Variants in FNIP1 observed in about 807,000 individuals in gnomAD.
FNIP1 encodes the protein folliculin interacting protein 1, also known as folliculin-interacting protein 1.
FNIP1 carries 40 observed loss-of-function variants against 124.5 expected under a neutral mutation model. The observed-to-expected ratio is 0.32, with a 90% CI of 0.25 to 0.42. The LOEUF is 0.42. FNIP1 is among the 10% of genes least tolerant of loss of function. The pLI is 1.00. For missense variants in FNIP1, 1,176 were observed against 1,403.7 expected (o/e 0.84, Z 2.59); for synonymous variants, 472 against 470.6 (o/e 1.00, Z -0.04).
chr5:131,710,607 C>T lies in FNIP1; in HGVS notation c.677G>A (p.Arg226His), dbSNP rs747434286. Residue 226 changes from arginine (R) to histidine (H), a missense_variant, in exon 7 of 18, where the codon CGC (arginine) becomes CAC (histidine). By Grantham distance (29) the Arg-to-His change is conservative. Coordinates refer to ENST00000510461, the MANE Select transcript of FNIP1 (RefSeq NM_133372.3). ...RRAFSEQGPL[R>H]LIRSASFFAV... ...AAAGAAAGAGGCGCTCCTGATCAGGCGGAGCGGACCCTGCTCAGAGAATGC... is the reference window on the plus strand; with the variant it reads ...AAAGAAAGAGGCGCTCCTGATCAGGTGGAGCGGACCCTGCTCAGAGAATGC... The T allele has an allele frequency of 3.5e-5, 56 of 1,613,812 alleles. No individual in the cohort carries two copies. The highest frequency in any genetic ancestry group is 1.8e-4 in the South Asian group (16 of 91,052).
chr5:131,768,070 T>C (rs1432066207), intron 1 of FNIP1, among the ~76,000 whole-genome samples: 1 of 152,144 alleles, frequency 6.6e-6, no homozygotes, highest in Non-Finnish European at 1.5e-5. Context: ...TTAATCAAAT[T>C]AGATGTGAAA....
At chr5:131,760,856 A>G (rs543428400) in intron 1 of FNIP1, among the ~76,000 whole-genome samples, 35 of 139,306 alleles carry the variant, frequency 2.5e-4, no homozygotes, top group African/African-American at 8.1e-4. Flanking sequence ...GTTTGATGAC[A>G]GGAGGGAAAG....
Position 131,784,614 on chromosome 5 carries a change from A to G in FNIP1, c.92+12216T>C, listed in dbSNP as rs182990843. Reference sequence around the variant, plus strand: ...AATGGGAGGACTGTTTGAGCCCAGGAGTTCGAGACCAGCCTGGGCAACAAA... The same window carrying G: ...AATGGGAGGACTGTTTGAGCCCAGGGGTTCGAGACCAGCCTGGGCAACAAA... On this transcript the variant is annotated intron_variant, in intron 1 of 17. Coordinates refer to ENST00000510461, the MANE Select transcript of FNIP1 (RefSeq NM_133372.3). Among the ~76,000 whole-genome samples, 50 of 152,216 alleles carry G rather than the reference A, an allele frequency of 3.3e-4. No individual in the cohort carries two copies. In the East Asian group the frequency reaches 9.7e-3, roughly 29 times the overall value.
intron 2 of FNIP1, among the ~76,000 whole-genome samples, chr5:131,733,938 G>T (rs984379318): frequency 1.3e-5 from 2 of 152,106 alleles, no homozygotes; most frequent in Non-Finnish European, 2.9e-5. Context: ...GGTAGAATTC[G>T]GCTGTGAATC....
At chr5:131,692,133 T>C (rs1768501157) in intron 11 of FNIP1, among the ~76,000 whole-genome samples, 1 of 152,104 alleles carries the variant, frequency 6.6e-6, no homozygotes, top group Non-Finnish European at 1.5e-5. Context: ...ATTTTCTATA[T>C]AAAAAGTTTC....
At chr5:131,776,771 G>C (rs1038222847) in intron 1 of FNIP1, among the ~76,000 whole-genome samples, 1 of 152,210 alleles carries the variant, frequency 6.6e-6, no homozygotes, top group Non-Finnish European at 1.5e-5. Context: ...AGATGAGGGA[G>C]AGTAACTAGA....
At chr5:131,774,899 GCTCT>G (rs1193708406) in intron 1 of FNIP1, among the ~76,000 whole-genome samples, 6 of 152,176 alleles carry the variant, frequency 3.9e-5, no homozygotes, top group Admixed American at 6.5e-5. Flanking sequence ...GTTTCCTCAT[GCTCT>G]CTAACTGCTA....
Position 131,644,534 on chromosome 5 carries a change from C to A in FNIP1, c.*151G>T, listed in dbSNP as rs1232064345. ...AAAAGAAAAAGCCATCTGACATACA[C>A]AGAATATACAATGCTATGCAGAATA... is the stretch of plus-strand genomic sequence containing the variant. On this transcript the variant is annotated 3_prime_UTR_variant, in exon 18 of 18. Transcript: ENST00000510461. 6 of 567,716 alleles carry A rather than the reference C, an allele frequency of 1.1e-5. No homozygotes were observed. The highest frequency in any genetic ancestry group is 1.9e-5 in the African/African-American group (1 of 52,132). The allele number at this position is 567,716 out of a possible 1,614,324, so 35.2% of individuals were successfully genotyped here. A position where few individuals can be genotyped will look rare whatever the true frequency, so the allele number is the denominator to read the frequency against.
chr5:131,752,815 C>G (rs1353052546), intron 1 of FNIP1, among the ~76,000 whole-genome samples: 3 of 152,182 alleles, frequency 2.0e-5, no homozygotes, highest in African/African-American at 7.2e-5. Flanking sequence ...CGCCTGTAAT[C>G]CCAGCACTTT....
At chr5:131,653,330 G>A (rs1484528135) in intron 15 of FNIP1, among the ~76,000 whole-genome samples, 1 of 152,146 alleles carries the variant, frequency 6.6e-6, no homozygotes, top group Admixed American at 6.5e-5. Context: ...CTAAGGTCAG[G>A]AGTTTGAGAC....
chr5:131,662,191 C>T (rs2149510357), intron 15 of FNIP1, among the ~76,000 whole-genome samples: 1 of 152,206 alleles, frequency 6.6e-6, no homozygotes, highest in Non-Finnish European at 1.5e-5. Context: ...GGTCCCATCT[C>T]TATAGGGCAT....
rs189623825 is a variant in FNIP1, at chr5:131,678,722, T to C, written c.1349+307A>G. Among the ~76,000 whole-genome samples, 209 of 152,242 alleles carry C rather than the reference T, an allele frequency of 1.4e-3. 1 individual carries two copies. Among genetic ancestry groups the C allele is most frequent in the African/African-American group, 4.9e-3 (203 of 41,540 alleles). On this transcript the variant is annotated intron_variant, in intron 12 of 17. Coordinates refer to ENST00000510461, the MANE Select transcript of FNIP1 (RefSeq NM_133372.3). Reference sequence around the variant, plus strand: ...ATCACGCCTGGCCATCCTTAAATGTTTTCTACCTCTTTTCTATGAAATAAA... The same window carrying C: ...ATCACGCCTGGCCATCCTTAAATGTCTTCTACCTCTTTTCTATGAAATAAA...
chr5:131,748,106 TGTG>T (rs773015280), intron 1 of FNIP1, among the ~76,000 whole-genome samples: 4 of 151,918 alleles, frequency 2.6e-5, no homozygotes, highest in African/African-American at 4.8e-5. Flanking sequence ...GGTGGTAAGA[TGTG>T]GGGATAGTAG....
intron 1 of FNIP1, among the ~76,000 whole-genome samples, chr5:131,773,178 A>G (rs980013663): frequency 1.3e-5 from 2 of 152,326 alleles, no homozygotes; most frequent in East Asian, 1.9e-4. Context: ...CTCTTCTAAC[A>G]GAAGTAATCT....
chr5:131,646,070 T>C (rs1766871158), intron 17 of FNIP1, among the ~76,000 whole-genome samples: 1 of 152,154 alleles, frequency 6.6e-6, no homozygotes, highest in South Asian at 2.1e-4. Flanking sequence ...TATTTTTACA[T>C]AAAGGCATTA....
chr5:131,757,260 G>C (rs1297887593), intron 1 of FNIP1, among the ~76,000 whole-genome samples: 1 of 152,158 alleles, frequency 6.6e-6, no homozygotes, highest in Middle Eastern at 3.2e-3. Context: ...AAGGCTCAAG[G>C]TACAGCCAAG....
intron 1 of FNIP1, among the ~76,000 whole-genome samples, chr5:131,780,744 C>T (rs1441735434): frequency 1.3e-5 from 2 of 152,170 alleles, no homozygotes; most frequent in Non-Finnish European, 2.9e-5. Context: ...TGTGTTCTGA[C>T]TGCTCCATCA....
intron 1 of FNIP1, among the ~76,000 whole-genome samples, chr5:131,791,691 AG>A (rs1409394629): frequency 6.6e-6 from 1 of 152,252 alleles, no homozygotes; most frequent in African/African-American, 2.4e-5. Flanking sequence ...AATTTACTTA[AG>A]CTGCCTAACT....
intron 12 of FNIP1, 53 bp from the exon 13 acceptor site, chr5:131,677,925 G>C: frequency 2.0e-6 from 3 of 1,532,100 alleles, no homozygotes; most frequent in Non-Finnish European, 1.7e-6. Context: ...TGAAACCTTA[G>C]GTAAAATGTA....
Sources: gnomAD v4.1 joint callset for allele counts (sites outside exome capture counted in the v4.1 genomes callset) on GRCh38, gnomAD v4.1.1 for gene constraint, MANE v1.5 for transcripts, NCBI Gene and HGNC (gene_info 2026-07-23, HGNC 2026-07-21) for gene names.